Variants in ADAM8 observed in about 807,000 individuals in gnomAD.
ADAM8 encodes disintegrin and metalloproteinase domain-containing protein 8.
A neutral mutation model predicts 102.4 loss-of-function variants in ADAM8; 104 were observed. The ratio of observed to expected loss-of-function variants is 1.02; its 90% confidence interval spans 0.87 to 1.20. The LOEUF (loss-of-function observed/expected upper bound fraction) is 1.20. Among genes scored for constraint, ADAM8 ranks in the 50% most tolerant of loss-of-function variants. The probability of loss-of-function intolerance (pLI) is 0.00; values close to 1 mark genes in which losing one functional copy is unlikely to be tolerated. For missense variants in ADAM8, 1,132 were observed against 1,159.0 expected, an observed-to-expected ratio of 0.98 and a Z score of 0.34; for synonymous variants, 517 against 485.2, an observed-to-expected ratio of 1.07 and a Z score of -0.86.
intron 17 of ADAM8, 75 bp downstream of exon 17, chr10:133,269,822 G>A: frequency 6.5e-7 from 1 of 1,530,324 alleles, no homozygotes; most frequent in South Asian, 1.1e-5. Context: ...CCCGTGTCCA[G>A]AGCTGTCCCC....
rs779838563 is a variant in ADAM8 at position 133,272,882 on chromosome 10, C to T, written c.637-16G>A. The T allele has an allele frequency of 3.7e-6, 6 of 1,611,148 alleles. No homozygotes were observed. The highest frequency in any genetic ancestry group is 1.1e-5 in the South Asian group (1 of 91,016). On this transcript the variant is annotated splice_polypyrimidine_tract_variant and intron_variant, in intron 7 of 22. Transcript: ENST00000445355. Reference sequence around the variant, plus strand: ...GCATCTGGAACTGGGGACACGAGACCCTCAGGCTGGAGCCCACACACCCCC... The same window carrying T: ...GCATCTGGAACTGGGGACACGAGACTCTCAGGCTGGAGCCCACACACCCCC...
chr10:133,267,246 G>A, intron 21 of ADAM8, 106 bp downstream of exon 21: 5 of 1,277,366 alleles, frequency 3.9e-6, no homozygotes, highest in Non-Finnish European at 5.6e-6. Context: ...GTACAGCAGG[G>A]GCCACCTGGG....
intron 1 of ADAM8, 186 bp from the exon 2 acceptor site, chr10:133,275,773 G>A: frequency 1.9e-6 from 1 of 520,312 alleles, no homozygotes; most frequent in Non-Finnish European, 3.3e-6. Flanking sequence ...GCGCCCCCAG[G>A]CATGGCCGGT....
At position 133,274,153 on chromosome 10, in the gene ADAM8, A is replaced by C. The variant is rs1398330350; in HGVS notation, c.227+6T>G. ...GGGCAGGGGGGCCGACCCGAGACCCACTCACCTGTTCTTCCGCAGGTGGAG... is the reference window on the plus strand; with the variant it reads ...GGGCAGGGGGGCCGACCCGAGACCCCCTCACCTGTTCTTCCGCAGGTGGAG... On this transcript the variant is annotated splice_donor_region_variant and intron_variant, in intron 3 of 22. Coordinates refer to ENST00000445355, the MANE Select transcript of ADAM8 (RefSeq NM_001109.5). 1 of 1,583,432 alleles carries C rather than the reference A, an allele frequency of 6.3e-7. No individual in the cohort carries two copies. Among genetic ancestry groups the C allele is most frequent in the Non-Finnish European group, 8.6e-7 (1 of 1,164,422 alleles).
In ADAM8 at chr10:133,271,799, G is replaced by A. The variant is rs373231572; in HGVS notation, c.1106+7C>T. 6.8e-5 allele frequency: 108 copies of A among 1,589,266 alleles called. No individual in the cohort carries two copies. The highest frequency in any genetic ancestry group is 8.2e-5 in the Non-Finnish European group (96 of 1,166,978). On this transcript the variant is annotated splice_region_variant and intron_variant, in intron 11 of 22. Transcript: ENST00000445355. ...TACCCTGGCTCTGCAGGGCCTGGCC[G>A]CCTCACCCAATGCTGCCCGCCATGA... is the stretch of plus-strand genomic sequence containing the variant.
chr10:133,270,253 T>C, intron 16 of ADAM8, 107 bp downstream of exon 16: 1 of 1,414,634 alleles, frequency 7.1e-7, no homozygotes, highest in Non-Finnish European at 9.6e-7. Context: ...AGAACTCTGT[T>C]CCCATGGCCT....
rs746134662 is a variant in ADAM8, at chr10:133,270,360, CT to C, written c.1784del (p.Lys595ArgfsTer50). 5 of 1,581,626 alleles carry C rather than the reference CT, an allele frequency of 3.2e-6. No homozygotes were observed. In the East Asian group the frequency reaches 1.1e-4, roughly 36 times the overall value. On this transcript the variant is annotated frameshift_variant and splice_region_variant, in exon 16 of 23. Coordinates refer to ENST00000445355, the MANE Select transcript of ADAM8 (RefSeq NM_001109.5). LOFTEE classifies it high-confidence loss of function. ...CGCGGCCTCTGAGCCAGGGGCTCAC[CT>C]TCTCTGGTCCACACCGGGTGCCCTC... ...VPEGTRCGPE[K>X]VCWKGRCQDL...
rs1846475771 is a variant in ADAM8, at chr10:133,270,296, AC to A, written c.1785+63del. 7 of 1,535,510 alleles carry A rather than the reference AC, an allele frequency of 4.6e-6. No individual in the cohort carries two copies. The Admixed American group carries it at 7.6e-5, about 17-fold the overall frequency. On this transcript the variant is annotated intron_variant, in intron 16 of 22. Transcript: ENST00000445355. ...CTGCCAAGCTCAGAAACGCATCTGC[AC>A]CCACGTGGGGCACATGCCCGGGATG...
intron 19 of ADAM8, among the ~76,000 whole-genome samples, chr10:133,268,504 C>G (rs1002804739): frequency 1.3e-5 from 2 of 152,144 alleles, no homozygotes; most frequent in African/African-American, 4.8e-5. Flanking sequence ...CAAGCCCAAC[C>G]GGCCACCAAA....
At chr10:133,268,968 C>CT (rs1846426538) in intron 18 of ADAM8, 106 bp from the exon 19 acceptor site, 1 of 1,504,604 alleles carries the variant, frequency 6.6e-7, no homozygotes, top group African/African-American at 1.4e-5. Flanking sequence ...AGGCTGTGCC[C>CT]TGTGGACCCC....
At chr10:133,272,746 C>CA (rs963129612) in intron 8 of ADAM8, 52 bp downstream of exon 8, 22 of 1,562,782 alleles carry the variant, frequency 1.4e-5, no homozygotes, top group East Asian at 6.8e-5. Flanking sequence ...CAACACCCCC[C>CA]CCACCTCCCG....
Position 133,274,233 on chromosome 10 carries a change from G to A in ADAM8, c.153C>T (p.Gly51=). The A allele has an allele frequency of 2.6e-6, 4 of 1,555,382 alleles. No individual in the cohort carries two copies. Among genetic ancestry groups the A allele is most frequent in the Non-Finnish European group, 3.5e-6 (4 of 1,151,674 alleles). ...RVRRALPSHL[G]LHPERVSYVL... Reference sequence around the variant, plus strand: ...CGTAGCTCACCCTCTCTGGGTGCAGGCCCTGAGCGAGGAGGGAAGGGTCCC... The same window carrying A: ...CGTAGCTCACCCTCTCTGGGTGCAGACCCTGAGCGAGGAGGGAAGGGTCCC... Residue 51 remains glycine, a splice_region_variant and synonymous_variant, in exon 3 of 23, where the codon GGC becomes GGT. Transcript: ENST00000445355.
intron 21 of ADAM8, among the ~76,000 whole-genome samples, chr10:133,264,723 C>A (rs1031004714): frequency 1.4e-5 from 2 of 147,498 alleles, no homozygotes; most frequent in Non-Finnish European, 3.0e-5. Flanking sequence ...CCTGCTGCAG[C>A]CTCTGCCCCA....
chr10:133,269,877 T>C lies in ADAM8; in HGVS notation c.1863+20A>G, dbSNP rs1310657754. ...CGGCAGCCTCTGTGCAGGGGCCCTGTCCCGAGAGGCCACACATACCCCATG... is the reference window on the plus strand; with the variant it reads ...CGGCAGCCTCTGTGCAGGGGCCCTGCCCCGAGAGGCCACACATACCCCATG... On this transcript the variant is annotated intron_variant, in intron 17 of 22. Transcript: ENST00000445355. 9.9e-6 allele frequency: 16 copies of C among 1,612,032 alleles called. No homozygotes were observed. Among genetic ancestry groups the C allele is most frequent in the Non-Finnish European group, 1.4e-5 (16 of 1,179,642 alleles).
chr10:133,276,589 C>T (rs1846762337), intron 1 of ADAM8, among the ~76,000 whole-genome samples, 183 bp downstream of exon 1: 1 of 152,228 alleles, frequency 6.6e-6, no homozygotes, highest in Admixed American at 6.5e-5. Context: ...CCGGCCTCCC[C>T]GGCCCGGGGC....
intron 5 of ADAM8, 57 bp downstream of exon 5, chr10:133,273,705 A>C: frequency 6.7e-7 from 1 of 1,486,992 alleles, no homozygotes; most frequent in Non-Finnish European, 9.1e-7. Flanking sequence ...CCCCCACCAC[A>C]GGCTTAGGCC....
chr10:133,268,925 G>A (rs1188516603), intron 18 of ADAM8, 63 bp from the exon 19 acceptor site: 2 of 1,564,988 alleles, frequency 1.3e-6, no homozygotes, highest in Admixed American at 1.8e-5. Context: ...AGCCAGGGAG[G>A]TTCCCAGAGA....
chr10:133,275,200 G>T (rs1846705157), intron 2 of ADAM8, among the ~76,000 whole-genome samples: 1 of 152,188 alleles, frequency 6.6e-6, no homozygotes, highest in Admixed American at 6.5e-5. Flanking sequence ...GAGGAATTTG[G>T]CTTATCAGCC....
At chr10:133,266,286 G>A (rs1028037949) in intron 21 of ADAM8, among the ~76,000 whole-genome samples, 5 of 152,194 alleles carry the variant, frequency 3.3e-5, no homozygotes, top group Admixed American at 2.6e-4. Flanking sequence ...GGTCGCATTG[G>A]TGACGTGGAG....
Sources: gnomAD v4.1 joint callset for allele counts (sites outside exome capture counted in the v4.1 genomes callset) on GRCh38, gnomAD v4.1.1 for gene constraint, MANE v1.5 for transcripts, NCBI Gene and HGNC (gene_info 2026-07-23, HGNC 2026-07-21) for gene names.